Variants in LINC00632 observed in about 807,000 individuals in gnomAD.
The protein encoded by LINC00632 is ALDOA related specific transcript.
At chrX:140,781,284 C>T (rs1931929078) in exon 5 of LINC00632, among the ~76,000 whole-genome samples, 1 of 111,348 alleles carries the variant, frequency 9.0e-6, no homozygotes, top group Non-Finnish European at 1.9e-5. Flanking sequence ...TTACCTGAAG[C>T]CAGGGTGCCT....
At chrX:140,719,049 A>C (rs1602732490) in intron 2 of LINC00632, among the ~76,000 whole-genome samples, 2 of 112,308 alleles carry the variant, frequency 1.8e-5, no homozygotes, top group South Asian at 7.5e-4. Context: ...ACAGACAAGA[A>C]ACCAGGACAT....
At chrX:140,772,255 A>C (rs1931811356) in exon 4 of LINC00632, 2 of 294,038 alleles carry the variant, frequency 6.8e-6, no homozygotes. Context: ...ACCTCCTGTG[A>C]GAAGACCAAC....
chrX:140,737,100 A>T (rs1931157091), intron 3 of LINC00632, among the ~76,000 whole-genome samples: 1 of 107,951 alleles, frequency 9.3e-6, no homozygotes, highest in Non-Finnish European at 1.9e-5. Context: ...GGGTTTCACC[A>T]TGTTGCCCAG....
At chrX:140,723,988 C>T (rs1930835840) in intron 2 of LINC00632, among the ~76,000 whole-genome samples, 1 of 20,191 alleles carries the variant, frequency 5.0e-5, no homozygotes, top group Admixed American at 5.6e-4. Context: ...CACACACATT[C>T]CATACACAGA....
intron 3 of LINC00632, among the ~76,000 whole-genome samples, chrX:140,761,235 T>A (rs777659082): frequency 1.8e-5 from 2 of 112,762 alleles, no homozygotes; most frequent in East Asian, 5.6e-4. Flanking sequence ...ACTCTGCAGA[T>A]GAATGTCAGT....
intron 3 of LINC00632, among the ~76,000 whole-genome samples, chrX:140,737,191 C>T (rs978275000): frequency 9.0e-6 from 1 of 111,358 alleles, no homozygotes; most frequent in Non-Finnish European, 1.9e-5. Context: ...TTAGCCACCG[C>T]AGTCGGCTGA....
At chrX:140,768,100 G>T (rs779908601) in intron 3 of LINC00632, among the ~76,000 whole-genome samples, 1 of 111,442 alleles carries the variant, frequency 9.0e-6, no homozygotes, top group South Asian at 3.8e-4. Context: ...AGGGAAAACA[G>T]CTTAGTTTAG....
chrX:140,714,279 A>C (rs1233068276), intron 2 of LINC00632: 1 of 135,738 alleles, frequency 7.4e-6, no homozygotes, highest in African/African-American at 3.2e-5. Flanking sequence ...ACCTCAGGAC[A>C]CAGACTTGCC....
At chrX:140,718,299 C>T (rs187648824) in intron 2 of LINC00632, among the ~76,000 whole-genome samples, 24 of 110,923 alleles carry the variant, frequency 2.2e-4, no homozygotes, top group African/African-American at 7.5e-4. Flanking sequence ...TAAAACAACT[C>T]GAATCAACCC....
chrX:140,723,026 G>A (rs1930757313), intron 2 of LINC00632, among the ~76,000 whole-genome samples: 1 of 93,938 alleles, frequency 1.1e-5, no homozygotes, highest in African/African-American at 4.0e-5. Context: ...GGGCAACAGA[G>A]GGAAACTCCA....
rs148203373 is a variant in LINC00632 at position 140,772,026 on chromosome X, A to T, written n.192-52A>T. On this transcript the variant is annotated intron_variant and non_coding_transcript_variant, in intron 3 of 4. Transcript: ENST00000648200. ...CCAAATTTATAAGCTACTCATTTAGATTGCCTCTGTTCCTGACCTCATTTC... is the reference window on the plus strand; with the variant it reads ...CCAAATTTATAAGCTACTCATTTAGTTTGCCTCTGTTCCTGACCTCATTTC... 90 of 274,281 alleles carry T rather than the reference A, an allele frequency of 3.3e-4. No homozygotes were observed. The East Asian group carries it at 4.6e-3, about 14-fold the overall frequency. The allele number at this position is 274,281 out of a possible 1,213,427, so 22.6% of individuals were successfully genotyped here.
At chrX:140,750,477 A>G (rs1477929481) in intron 3 of LINC00632, among the ~76,000 whole-genome samples, 1 of 111,337 alleles carries the variant, frequency 9.0e-6, no homozygotes, top group African/African-American at 3.3e-5. Flanking sequence ...AATATGTAAT[A>G]CATATTAAAT....
intron 2 of LINC00632, among the ~76,000 whole-genome samples, chrX:140,715,599 AAAAAG>A (rs1425905291): frequency 1.2e-4 from 9 of 72,298 alleles, no homozygotes; most frequent in Admixed American, 2.2e-4. Flanking sequence ...CGTCTAAAAA[AAAAAG>A]AAAGAAAGAA....
At chrX:140,766,417 C>T (rs1382081329) in intron 3 of LINC00632, among the ~76,000 whole-genome samples, 2 of 111,671 alleles carry the variant, frequency 1.8e-5, no homozygotes, top group Non-Finnish European at 3.8e-5. Context: ...GAAGATGTTC[C>T]ATAACAATCA....
At chrX:140,778,442 T>TA (rs1290857123) in exon 5 of LINC00632, among the ~76,000 whole-genome samples, 1 of 109,701 alleles carries the variant, frequency 9.1e-6, no homozygotes, top group Non-Finnish European at 1.9e-5. Context: ...CCATCTCTAC[T>TA]AAAAATATAA....
At chrX:140,728,530 C>T (rs771884988) in intron 2 of LINC00632, among the ~76,000 whole-genome samples, 22 of 110,269 alleles carry the variant, frequency 2.0e-4, no homozygotes, top group Non-Finnish European at 3.8e-4. Flanking sequence ...TGTACGGATA[C>T]GCTCCTCACC....
intron 2 of LINC00632, among the ~76,000 whole-genome samples, chrX:140,717,644 C>G (rs921949930): frequency 9.0e-6 from 1 of 111,137 alleles, no homozygotes; most frequent in South Asian, 3.8e-4. Context: ...TAGTCTCAAC[C>G]CACATGATAT....
At chrX:140,732,524 A>T (rs1418268076) in intron 2 of LINC00632, among the ~76,000 whole-genome samples, 1 of 111,890 alleles carries the variant, frequency 8.9e-6, no homozygotes, top group East Asian at 2.8e-4. Flanking sequence ...TGGCATGCAC[A>T]TATCCACACT....
Position 140,773,080 on chromosome X carries a change from C to T in LINC00632, n.1194C>T, listed in dbSNP as rs1320804536. Among the ~76,000 whole-genome samples, 4 of 111,320 alleles carry T rather than the reference C, an allele frequency of 3.6e-5. No homozygotes were observed. In the South Asian group the frequency reaches 1.2e-3, roughly 32 times the overall value. On this transcript the variant is annotated non_coding_transcript_exon_variant, in exon 4 of 5. Transcript: ENST00000648200. ...ACTCAGGAGGCTGAGGCAGGAGAAT[C>T]GCTTGAACCTAGGAGGCAGAGGTTG...
Sources: gnomAD v4.1 joint callset for allele counts (sites outside exome capture counted in the v4.1 genomes callset) on GRCh38, gnomAD v4.1.1 for gene constraint, MANE v1.5 for transcripts, NCBI Gene and HGNC (gene_info 2026-07-23, HGNC 2026-07-21) for gene names.